The following HERC4 variants were observed in gnomAD, a reference collection of about 807,000 sequenced individuals.
HERC4 encodes the protein probable E3 ubiquitin-protein ligase HERC4.
Under a neutral mutation model 124.3 loss-of-function variants are expected in HERC4, and 28 were observed. The ratio of observed to expected loss-of-function variants is 0.23; its 90% confidence interval spans 0.17 to 0.31. The LOEUF is 0.31. Among genes scored for constraint, HERC4 ranks in the 10% least tolerant of loss-of-function variants. The probability of loss-of-function intolerance (pLI) is 1.00; values close to 1 mark genes in which losing one functional copy is unlikely to be tolerated. For missense variants in HERC4, 713 were observed against 1,229.3 expected (o/e 0.58, Z 6.28); for synonymous variants, 407 against 421.5 (o/e 0.97, Z 0.42).
chr10:68,057,077 A>G (rs1395334785), intron 3 of HERC4, among the ~76,000 whole-genome samples: 1 of 152,192 alleles, frequency 6.6e-6, no homozygotes, highest in Non-Finnish European at 1.5e-5. Context: ...TCCACAACTT[A>G]ACAGTTTTAT....
At chr10:67,979,342 G>A (rs754351903) in intron 15 of HERC4, among the ~76,000 whole-genome samples, 6 of 151,860 alleles carry the variant, frequency 4.0e-5, no homozygotes, top group Admixed American at 6.6e-5. Context: ...TTGACATACC[G>A]AAGAATGTCT....
intron 6 of HERC4, among the ~76,000 whole-genome samples, 195 bp from the exon 7 acceptor site, chr10:68,033,064 T>G (rs2039290174): frequency 6.6e-6 from 1 of 152,148 alleles, no homozygotes; most frequent in Non-Finnish European, 1.5e-5. Flanking sequence ...AAGGAGGGAC[T>G]TAAGAGTTAA....
chr10:67,931,746 T>A (rs2031838958), intron 23 of HERC4, among the ~76,000 whole-genome samples: 1 of 151,964 alleles, frequency 6.6e-6, no homozygotes. Flanking sequence ...TCTATCTAGC[T>A]GTGTCACAGA....
At chr10:68,004,313 G>A (rs2037412666) in intron 9 of HERC4, among the ~76,000 whole-genome samples, 1 of 152,082 alleles carries the variant, frequency 6.6e-6, no homozygotes, top group Admixed American at 6.6e-5. Context: ...CTTATCAGAC[G>A]GGTAGTTTGC....
At chr10:68,018,072 A>G (rs1033816507) in intron 8 of HERC4, among the ~76,000 whole-genome samples, 1 of 152,148 alleles carries the variant, frequency 6.6e-6, no homozygotes, top group Non-Finnish European at 1.5e-5. Context: ...CCTGGTGAAA[A>G]GAATAATAAG....
rs534950483 is a variant in HERC4 at position 67,950,630 on chromosome 10, T to C, written c.2337+3965A>G. ...AAGATTATGGCAGTAAGGTTTCTCATTGATGATGAAAGTTATATACATAAT... is the reference window on the plus strand; with the variant it reads ...AAGATTATGGCAGTAAGGTTTCTCACTGATGATGAAAGTTATATACATAAT... On this transcript the variant is annotated intron_variant, in intron 19 of 24. Transcript: ENST00000373700. Among the ~76,000 whole-genome samples, 24 of 152,274 alleles carry C rather than the reference T, an allele frequency of 1.6e-4. No homozygotes were observed. The East Asian group carries it at 4.2e-3, about 27-fold the overall frequency.
At chr10:68,004,855 T>C (rs967138113) in intron 9 of HERC4, among the ~76,000 whole-genome samples, 3 of 152,180 alleles carry the variant, frequency 2.0e-5, no homozygotes, top group African/African-American at 7.2e-5. Context: ...ACCGATTCCA[T>C]GATTCCATTA....
chr10:67,947,002 G>A (rs1056537754), intron 19 of HERC4, among the ~76,000 whole-genome samples: 1 of 152,154 alleles, frequency 6.6e-6, no homozygotes, highest in Non-Finnish European at 1.5e-5. Context: ...AAGAGAGAGA[G>A]AGAGACCCCA....
intron 9 of HERC4, among the ~76,000 whole-genome samples, chr10:68,004,439 C>T (rs557057856): frequency 2.0e-5 from 3 of 152,232 alleles, no homozygotes; most frequent in South Asian, 4.1e-4. Flanking sequence ...GTTGCCTGTG[C>T]TTGTGGGGTA....
At chr10:67,938,951 C>A (rs2032635503) in intron 21 of HERC4, among the ~76,000 whole-genome samples, 1 of 151,758 alleles carries the variant, frequency 6.6e-6, no homozygotes, top group African/African-American at 2.4e-5. Context: ...CTCAAAAAAA[C>A]AAAACAAAAC....
intron 3 of HERC4, among the ~76,000 whole-genome samples, chr10:68,051,332 G>A (rs952501841): frequency 1.4e-5 from 2 of 147,514 alleles, no homozygotes; most frequent in Admixed American, 6.8e-5. Flanking sequence ...ATGGCAAAAT[G>A]TTAACACTAT....
chr10:67,959,204 T>G (rs2034340761), intron 16 of HERC4: 1 of 1,411,500 alleles, frequency 7.1e-7, no homozygotes, highest in South Asian at 1.3e-5. Context: ...ATTTAACTAT[T>G]TCTATTCAAG....
At chr10:67,940,794 T>C in intron 20 of HERC4, 145 bp downstream of exon 20, 1 of 730,354 alleles carries the variant, frequency 1.4e-6, no homozygotes, top group Non-Finnish European at 2.1e-6. Flanking sequence ...TAATGGATTT[T>C]CCTTTATTAG....
intron 3 of HERC4, among the ~76,000 whole-genome samples, chr10:68,051,512 T>G (rs2040303773): frequency 7.3e-6 from 1 of 137,078 alleles, no homozygotes; most frequent in Non-Finnish European, 1.5e-5. Context: ...GCCCAGCTAG[T>G]TTTTTTTTGG....
chr10:67,970,456 G>A (rs2035162848), intron 15 of HERC4, among the ~76,000 whole-genome samples: 1 of 152,164 alleles, frequency 6.6e-6, no homozygotes, highest in Admixed American at 6.5e-5. Flanking sequence ...GCTGGCCGTG[G>A]TGGCACATGC....
chr10:68,000,779 G>A (rs1028236467), intron 9 of HERC4, among the ~76,000 whole-genome samples: 8 of 152,060 alleles, frequency 5.3e-5, no homozygotes, highest in African/African-American at 1.9e-4. Context: ...GTCTACAAGC[G>A]AAGGAATGCC....
chr10:67,976,572 A>C (rs915848950), intron 15 of HERC4, among the ~76,000 whole-genome samples: 10 of 152,156 alleles, frequency 6.6e-5, no homozygotes, highest in Non-Finnish European at 1.3e-4. Flanking sequence ...TATCTACACA[A>C]AAAAAGCATC....
intron 19 of HERC4, among the ~76,000 whole-genome samples, chr10:67,953,114 GA>G (rs1015460268): frequency 1.0e-3 from 157 of 152,222 alleles, no homozygotes; most frequent in African/African-American, 3.5e-3. Context: ...CCCATAGGAA[GA>G]GGGGGAAAAC....
At chr10:68,000,391 A>G (rs1180161441) in intron 9 of HERC4, among the ~76,000 whole-genome samples, 1 of 152,064 alleles carries the variant, frequency 6.6e-6, no homozygotes, top group Non-Finnish European at 1.5e-5. Context: ...CACCCTGGGC[A>G]ACATGGTAAA....
Sources: allele counts gnomAD v4.1 joint callset (sites outside exome capture counted in the v4.1 genomes callset), GRCh38; gene constraint gnomAD v4.1.1; transcripts MANE v1.5; gene names NCBI Gene and HGNC (gene_info 2026-07-23, HGNC 2026-07-21).